Variants in RASAL2 observed in about 807,000 individuals in gnomAD.
RASAL2 encodes the protein RAS protein activator like 2, also known as ras GTPase-activating protein nGAP.
In RASAL2, 58 loss-of-function variants were observed where a neutral mutation model predicts 128.9. The ratio of observed to expected loss-of-function variants is 0.45; its 90% CI spans 0.36 to 0.56. RASAL2 has a LOEUF of 0.56. Ranked by LOEUF, RASAL2 falls within the 20% of genes least tolerant of loss-of-function variation. RASAL2 has a pLI of 0.00. For synonymous variants in RASAL2, 561 were observed against 580.8 expected (o/e 0.97, Z 0.49); for missense variants, 1,360 against 1,601.6 (o/e 0.85, Z 2.57).
In RASAL2 at chr1:178,094,447, C is replaced by G; in HGVS notation, c.-46C>G. ...GGCAGGGCGCGGAGCCGCGCGCCAG[C>G]CCGCCCCGAAGCCGCCGCCTCGTCC... On this transcript the variant is annotated 5_prime_UTR_variant, in exon 1 of 18. Coordinates refer to ENST00000367649, the MANE Select transcript of RASAL2 (RefSeq NM_170692.4). 6.7e-7 allele frequency: 1 copy of G among 1,487,590 alleles called. No homozygotes were observed. Among genetic ancestry groups the G allele is most frequent in the Non-Finnish European group, 8.9e-7 (1 of 1,118,518 alleles). 92.1% of individuals were successfully genotyped at this position (1,487,590 alleles called of 1,614,324 possible).
At chr1:178,224,727 TAATAA>T (rs1446423791) in intron 1 of RASAL2, among the ~76,000 whole-genome samples, 1 of 152,130 alleles carries the variant, frequency 6.6e-6, no homozygotes, top group African/African-American at 2.4e-5. Context: ...GGGATACATA[TAATAA>T]AATAGAATAT....
At chr1:178,445,407 T>C (rs1676931882) in intron 8 of RASAL2, 111 bp from the exon 9 acceptor site, 1 of 1,226,030 alleles carries the variant, frequency 8.2e-7, no homozygotes, top group Admixed American at 2.4e-5. Context: ...ATGAATCTGA[T>C]AGCTTTAGTT....
At chr1:178,283,038 T>C (rs996112635) in intron 1 of RASAL2, among the ~76,000 whole-genome samples, 1 of 152,188 alleles carries the variant, frequency 6.6e-6, no homozygotes, top group Non-Finnish European at 1.5e-5. Context: ...TTTTCCATGT[T>C]TTTAAGATCT....
At chr1:178,129,047 T>TA (rs1299534730) in intron 1 of RASAL2, among the ~76,000 whole-genome samples, 1 of 152,148 alleles carries the variant, frequency 6.6e-6, no homozygotes, top group African/African-American at 2.4e-5. Context: ...AGTATGAACA[T>TA]ACGTATGTTT....
At chr1:178,210,804 C>G (rs1444054617) in intron 1 of RASAL2, among the ~76,000 whole-genome samples, 1 of 152,138 alleles carries the variant, frequency 6.6e-6, no homozygotes, top group Non-Finnish European at 1.5e-5. Flanking sequence ...TAATGCATTT[C>G]TCTTAATAAA....
chr1:178,458,761 G>A (rs541831858), intron 14 of RASAL2, among the ~76,000 whole-genome samples: 21 of 152,264 alleles, frequency 1.4e-4, no homozygotes, highest in African/African-American at 3.6e-4. Flanking sequence ...TAACAAACAC[G>A]CAGAGGCCCC....
intron 17 of RASAL2, among the ~76,000 whole-genome samples, chr1:178,468,995 T>C (rs1365312104): frequency 6.6e-6 from 1 of 152,192 alleles, no homozygotes; most frequent in Admixed American, 6.5e-5. Flanking sequence ...TAATTTCAGC[T>C]GGTTTAAAAG....
At chr1:178,457,612 C>A in intron 13 of RASAL2, 71 bp from the exon 14 acceptor site, 1 of 1,516,408 alleles carries the variant, frequency 6.6e-7, no homozygotes. Flanking sequence ...AGTTCATATG[C>A]CTGAATTGAG....
At chr1:178,463,848 A>G (rs1266703393) in intron 14 of RASAL2, among the ~76,000 whole-genome samples, 1 of 152,148 alleles carries the variant, frequency 6.6e-6, no homozygotes, top group Non-Finnish European at 1.5e-5. Flanking sequence ...TGTCTGGGCT[A>G]AACAGATATT....
At chr1:178,377,347 G>C (rs1258728043) in intron 3 of RASAL2, among the ~76,000 whole-genome samples, 1 of 152,020 alleles carries the variant, frequency 6.6e-6, no homozygotes, top group East Asian at 1.9e-4. Context: ...TTTCACATTA[G>C]TGTAACAAAC....
chr1:178,189,816 C>T (rs1309881750), intron 1 of RASAL2, among the ~76,000 whole-genome samples: 2 of 152,070 alleles, frequency 1.3e-5, no homozygotes, highest in African/African-American at 4.8e-5. Context: ...CTATCTTTTG[C>T]AATGTATATT....
intron 4 of RASAL2, among the ~76,000 whole-genome samples, chr1:178,405,102 G>A (rs929922540): frequency 5.9e-5 from 9 of 152,158 alleles, no homozygotes; most frequent in Non-Finnish European, 1.3e-4. Context: ...CTCATACATT[G>A]TTGAAGGGAA....
At chr1:178,201,336 G>A (rs11583634) in intron 1 of RASAL2, among the ~76,000 whole-genome samples, 64 of 152,340 alleles carry the variant, frequency 4.2e-4, no homozygotes, top group Non-Finnish European at 7.6e-4. Context: ...AGCTGGAAAT[G>A]CCTAATCTCC....
intron 1 of RASAL2, among the ~76,000 whole-genome samples, chr1:178,216,730 C>T (rs1396477551): frequency 6.6e-6 from 1 of 152,142 alleles, no homozygotes; most frequent in African/African-American, 2.4e-5. Context: ...GCCTCTGCCT[C>T]CTGGGTCCAA....
intron 4 of RASAL2, among the ~76,000 whole-genome samples, chr1:178,404,993 A>G (rs1673908830): frequency 6.6e-6 from 1 of 152,112 alleles, no homozygotes; most frequent in African/African-American, 2.4e-5. Flanking sequence ...AGAAATGCAC[A>G]TTTTAAAACA....
chr1:178,371,828 T>A (rs938366828), intron 3 of RASAL2, among the ~76,000 whole-genome samples: 1 of 152,204 alleles, frequency 6.6e-6, no homozygotes, highest in Non-Finnish European at 1.5e-5. Context: ...TGCTGTCTGG[T>A]TATCTAAGCT....
intron 3 of RASAL2, among the ~76,000 whole-genome samples, chr1:178,376,040 T>C (rs1364804655): frequency 6.6e-6 from 1 of 151,862 alleles, no homozygotes. Flanking sequence ...ATATCAACAT[T>C]TGGGGGTGGG....
intron 3 of RASAL2, among the ~76,000 whole-genome samples, chr1:178,385,018 T>C (rs1010908246): frequency 6.6e-6 from 1 of 152,240 alleles, no homozygotes; most frequent in South Asian, 2.1e-4. Flanking sequence ...GTGTAGCAGA[T>C]ACCTTTCTCA....
intron 1 of RASAL2, among the ~76,000 whole-genome samples, chr1:178,269,418 T>C (rs1666139114): frequency 6.6e-6 from 1 of 152,208 alleles, no homozygotes; most frequent in Non-Finnish European, 1.5e-5. Flanking sequence ...AGCAATTCTA[T>C]CCTAAGTAGG....
Sources: allele counts gnomAD v4.1 joint callset (sites outside exome capture counted in the v4.1 genomes callset), GRCh38; gene constraint gnomAD v4.1.1; transcripts MANE v1.5; gene names NCBI Gene and HGNC (gene_info 2026-07-23, HGNC 2026-07-21).